Variants in UVRAG observed in about 807,000 individuals in gnomAD.
UVRAG encodes the protein UV radiation resistance-associated gene protein.
A neutral mutation model predicts 78.0 loss-of-function variants in UVRAG; 19 were observed. The ratio of observed to expected loss-of-function variants is 0.24; its 90% confidence interval spans 0.17 to 0.36. UVRAG has a LOEUF of 0.36. Among genes scored for constraint, UVRAG ranks in the 10% least tolerant of loss-of-function variants. UVRAG has a pLI of 1.00. For synonymous variants in UVRAG, 323 were observed against 324.6 expected, an observed-to-expected ratio of 1.00 and a Z score of 0.05; for missense variants, 740 against 853.8, an observed-to-expected ratio of 0.87 and a Z score of 1.66.
chr11:76,054,759 C>G (rs938083330), intron 12 of UVRAG, among the ~76,000 whole-genome samples: 6 of 152,220 alleles, frequency 3.9e-5, no homozygotes, highest in African/African-American at 1.4e-4. Flanking sequence ...TCATGTCTCT[C>G]TCACTGAAGT....
chr11:75,859,125 A>G (rs1313657272), intron 2 of UVRAG, among the ~76,000 whole-genome samples: 1 of 152,244 alleles, frequency 6.6e-6, no homozygotes, highest in Non-Finnish European at 1.5e-5. Context: ...CTGTAATCCC[A>G]GCACTTTGGG....
chr11:76,136,093 A>C (rs1952593198), intron 14 of UVRAG, among the ~76,000 whole-genome samples: 1 of 152,172 alleles, frequency 6.6e-6, no homozygotes, highest in African/African-American at 2.4e-5. Flanking sequence ...AGAATCTTGA[A>C]ACCTCCTGAA....
chr11:75,960,025 G>A (rs910533432), intron 6 of UVRAG, among the ~76,000 whole-genome samples: 1 of 152,130 alleles, frequency 6.6e-6, no homozygotes, highest in African/African-American at 2.4e-5. Flanking sequence ...AACTATAATA[G>A]CAACACCAAA....
chr11:76,106,034 C>T (rs1951961591), intron 13 of UVRAG, among the ~76,000 whole-genome samples: 2 of 152,168 alleles, frequency 1.3e-5, no homozygotes, highest in South Asian at 4.1e-4. Context: ...CAATTAAAAA[C>T]CTATGTCCAC....
intron 14 of UVRAG, among the ~76,000 whole-genome samples, chr11:76,119,653 T>C (rs558261592): frequency 3.8e-4 from 58 of 152,338 alleles, no homozygotes; most frequent in African/African-American, 1.2e-3. Context: ...GCTAATCTTA[T>C]TCATCAGCAA....
intron 1 of UVRAG, among the ~76,000 whole-genome samples, chr11:75,817,404 C>T (rs1164248421): frequency 6.6e-6 from 1 of 152,122 alleles, no homozygotes; most frequent in Non-Finnish European, 1.5e-5. Context: ...ATTTCAGCCT[C>T]ATTTGTTAGT....
At chr11:75,925,822 A>G (rs961972369) in intron 6 of UVRAG, among the ~76,000 whole-genome samples, 2 of 152,210 alleles carry the variant, frequency 1.3e-5, no homozygotes, top group Admixed American at 1.3e-4. Context: ...TAGCCACACT[A>G]CTATTGCAAT....
intron 13 of UVRAG, among the ~76,000 whole-genome samples, chr11:76,078,323 T>C (rs1951436935): frequency 6.6e-6 from 1 of 152,178 alleles, no homozygotes; most frequent in South Asian, 2.1e-4. Context: ...TGTTATGTTT[T>C]GCTAATTTAT....
At chr11:76,125,950 CTT>C (rs71036075) in intron 14 of UVRAG, among the ~76,000 whole-genome samples, 12 of 137,622 alleles carry the variant, frequency 8.7e-5, no homozygotes, top group Admixed American at 1.5e-4. Flanking sequence ...CTGGCAGTCA[CTT>C]TTTTTTTTTT....
At chr11:76,009,812 G>A (rs1385120750) in intron 11 of UVRAG, among the ~76,000 whole-genome samples, 1 of 152,134 alleles carries the variant, frequency 6.6e-6, no homozygotes, top group Non-Finnish European at 1.5e-5. Context: ...ATGTAATTTG[G>A]AACAAGTAAT....
intron 7 of UVRAG, among the ~76,000 whole-genome samples, chr11:75,962,869 G>C (rs908533905): frequency 3.3e-5 from 5 of 152,106 alleles, no homozygotes; most frequent in Admixed American, 6.6e-5. Context: ...TCTCAGTGTG[G>C]AAAAATGTAT....
chr11:75,835,203 ACTT>A (rs1419875962), intron 1 of UVRAG: 1 of 152,208 alleles, frequency 6.6e-6, no homozygotes, highest in Non-Finnish European at 1.5e-5. Context: ...GATACTTTTT[ACTT>A]CTTATTTTTT....
intron 12 of UVRAG, among the ~76,000 whole-genome samples, chr11:76,058,535 A>C (rs1200195032): frequency 5.1e-5 from 2 of 39,242 alleles, no homozygotes; most frequent in Admixed American, 2.5e-4. Flanking sequence ...CCCTATCTCC[A>C]AAAAAAAAAA....
intron 11 of UVRAG, among the ~76,000 whole-genome samples, chr11:76,011,630 AAAAC>A (rs1398820055): frequency 1.3e-5 from 2 of 152,296 alleles, no homozygotes; most frequent in Admixed American, 6.5e-5. Flanking sequence ...TCTAAAAACA[AAAAC>A]AAACAAATAA....
intron 13 of UVRAG, among the ~76,000 whole-genome samples, chr11:76,101,033 A>G (rs1357177929): frequency 6.6e-6 from 1 of 152,174 alleles, no homozygotes; most frequent in East Asian, 1.9e-4. Context: ...GGTTGGTTCC[A>G]TGTTATTGCA....
intron 8 of UVRAG, among the ~76,000 whole-genome samples, chr11:75,995,501 GAAA>G (rs71471398): frequency 8.3e-6 from 1 of 120,048 alleles, no homozygotes. Context: ...TTGTCATTTT[GAAA>G]AAAAAAAAAA....
chr11:76,101,245 C>T (rs1331307757), intron 13 of UVRAG, among the ~76,000 whole-genome samples: 1 of 152,140 alleles, frequency 6.6e-6, no homozygotes, highest in African/African-American at 2.4e-5. Flanking sequence ...TCCCCCTCAA[C>T]TTTGCCAGCA....
intron 14 of UVRAG, among the ~76,000 whole-genome samples, chr11:76,126,747 A>G (rs991094155): frequency 6.6e-6 from 1 of 152,244 alleles, no homozygotes; most frequent in Non-Finnish European, 1.5e-5. Flanking sequence ...TATTCACTGA[A>G]TATCTGTGTG....
intron 5 of UVRAG, among the ~76,000 whole-genome samples, chr11:75,896,460 A>T (rs1451076337): frequency 6.6e-6 from 1 of 152,230 alleles, no homozygotes; most frequent in African/African-American, 2.4e-5. Flanking sequence ...ATGAATGCAC[A>T]GTCCTAGTCG....
Sources: allele counts gnomAD v4.1 joint callset (sites outside exome capture counted in the v4.1 genomes callset), GRCh38; gene constraint gnomAD v4.1.1; transcripts MANE v1.5; gene names NCBI Gene and HGNC (gene_info 2026-07-23, HGNC 2026-07-21).